SERPINB2: variants seen among roughly 807,000 people sequenced by gnomAD.
SERPINB2 encodes the protein plasminogen activator inhibitor 2.
In SERPINB2, 28 loss-of-function variants were observed where a neutral mutation model predicts 39.4. The observed-to-expected ratio is 0.71, with a 90% CI of 0.53 to 0.97. SERPINB2 has a LOEUF of 0.97. SERPINB2 is among the 50% of genes least tolerant of loss of function. The pLI, the probability that SERPINB2 is intolerant of heterozygous loss-of-function variation, is 0.00. For missense variants in SERPINB2, 557 were observed against 505.3 expected (o/e 1.10, Z -0.98); for synonymous variants, 209 against 175.1 (o/e 1.19, Z -1.53).
At chr18:63,895,696 C>T (rs568325030) in intron 3 of SERPINB2, among the ~76,000 whole-genome samples, 13 of 152,272 alleles carry the variant, frequency 8.5e-5, no homozygotes, top group Non-Finnish European at 1.8e-4. Context: ...CTAGAATACA[C>T]GTGTATGGAT....
rs2050003185 is a variant in SERPINB2 at position 63,903,014 on chromosome 18, A to G, written c.957A>G (p.Glu319=). ...IPQFKLEEHY[E]LRSILRSMGM... is the part of the protein sequence containing the mutation. Reference sequence around the variant, plus strand: ...AGTTCAAATTAGAAGAGCATTATGAACTCAGATCCATTCTGAGAAGCATGG... The same window carrying G: ...AGTTCAAATTAGAAGAGCATTATGAGCTCAGATCCATTCTGAGAAGCATGG... The change falls in exon 8 of 8, where the codon GAA becomes GAG. Residue 319 remains glutamate (E), a synonymous_variant. Coordinates refer to ENST00000299502, the MANE Select transcript of SERPINB2 (RefSeq NM_002575.3). The G allele has an allele frequency of 6.2e-7, 1 of 1,613,860 alleles. No homozygotes were observed. The highest frequency in any genetic ancestry group is 1.3e-5 in the African/African-American group (1 of 75,012).
rs1188976502 is a variant in SERPINB2 at position 63,891,570 on chromosome 18, C to A, written c.126C>A (p.Val42=). ...PWSISSTMAM[V]YMGSRGSTED... ...GCATCTCGTCCACCATGGCCATGGT[C>A]TACATGGGCTCCAGGGGCAGCACCG... The change falls in exon 2 of 8, where the codon GTC becomes GTA. Residue 42 remains valine, a synonymous_variant. Transcript: ENST00000299502. 1 of 1,614,010 alleles carries A rather than the reference C, an allele frequency of 6.2e-7. No individual in the cohort carries two copies. Among genetic ancestry groups the A allele is most frequent in the Non-Finnish European group, 8.5e-7 (1 of 1,179,988 alleles).
At chr18:63,895,404 A>C (rs762743511) in intron 3 of SERPINB2, 21 bp downstream of exon 3, 3 of 1,613,632 alleles carry the variant, frequency 1.9e-6, no homozygotes, top group Non-Finnish European at 1.7e-6. Flanking sequence ...TACTGGTCCA[A>C]ATTTCTTTTG....
At chr18:63,894,821 C>T (rs537363141) in intron 2 of SERPINB2, among the ~76,000 whole-genome samples, 13 of 152,282 alleles carry the variant, frequency 8.5e-5, no homozygotes, top group Non-Finnish European at 1.6e-4. Flanking sequence ...CCTTAGCTGA[C>T]TCTGGCTTGT....
chr18:63,900,387 A>G (rs1339672780), intron 5 of SERPINB2, among the ~76,000 whole-genome samples: 1 of 152,204 alleles, frequency 6.6e-6, no homozygotes, highest in Non-Finnish European at 1.5e-5. Context: ...TTAGCCTTCA[A>G]GGGTTCTTGG....
Position 63,897,190 on chromosome 18 carries a change from T to G in SERPINB2, c.388T>G (p.Phe130Val), listed in dbSNP as rs769649567. The part of the protein sequence containing the change: ...NYLLESVNKL[F>V]GEKSASFREE... ...TTTACTGGAAAGTGTCAATAAGCTG[T>G]TTGGTGAGAAGTCTGCGAGCTTCCG... Residue 130 changes from phenylalanine to valine, a missense_variant, in exon 4 of 8, where the codon TTT becomes GTT. Coordinates refer to ENST00000299502, the MANE Select transcript of SERPINB2 (RefSeq NM_002575.3). The G allele has an allele frequency of 1.2e-6, 2 of 1,612,618 alleles. No homozygotes were observed. Among genetic ancestry groups the G allele is most frequent in the Non-Finnish European group, 1.7e-6 (2 of 1,179,252 alleles).
chr18:63,897,699 T>C (rs2049968941), intron 4 of SERPINB2, 28 bp from the exon 5 acceptor site: 1 of 1,390,162 alleles, frequency 7.2e-7, no homozygotes, highest in South Asian at 1.2e-5. Flanking sequence ...GTATTTTATG[T>C]AGCCTTTGTC....
chr18:63,899,456 A>G (rs17072032), intron 5 of SERPINB2, among the ~76,000 whole-genome samples: 3,799 of 152,296 alleles, frequency 0.025, 151 homozygotes, highest in African/African-American at 0.086. Context: ...GCCTTAAGTA[A>G]ACAATTGCTG....
chr18:63,898,085 G>A (rs2049971942), intron 5 of SERPINB2, among the ~76,000 whole-genome samples: 1 of 152,178 alleles, frequency 6.6e-6, no homozygotes, highest in Admixed American at 6.6e-5. Flanking sequence ...GATATTGCTT[G>A]AGGATAGAAT....
At chr18:63,891,079 C>T (rs2049922810) in intron 1 of SERPINB2, among the ~76,000 whole-genome samples, 1 of 152,136 alleles carries the variant, frequency 6.6e-6, no homozygotes, top group Non-Finnish European at 1.5e-5. Context: ...CATTGTTATT[C>T]TATGGAATGC....
intron 5 of SERPINB2, 129 bp downstream of exon 5, chr18:63,897,973 G>C: frequency 1.5e-6 from 1 of 659,086 alleles, no homozygotes; most frequent in Non-Finnish European, 2.7e-6. Context: ...TTTGGTGGAT[G>C]TGAATTTATT....
At position 63,895,200 on chromosome 18, in the gene SERPINB2, T is replaced by C. The variant is rs1040712588; in HGVS notation, c.169-64T>C. ...CCATTTTAGAGCCACCTGATAGCCA[T>C]CTGTTTTAAAAGTTCAGTAAATCCG... On this transcript the variant is annotated intron_variant, in intron 2 of 7. Transcript: ENST00000299502. 5 of 1,592,382 alleles carry C rather than the reference T, an allele frequency of 3.1e-6. No individual in the cohort carries two copies. In the South Asian group the frequency reaches 5.7e-5, roughly 18 times the overall value.
intron 4 of SERPINB2, 63 bp downstream of exon 4, chr18:63,897,282 CAGT>C: frequency 6.4e-7 from 1 of 1,553,796 alleles, no homozygotes; most frequent in African/African-American, 1.4e-5. Flanking sequence ...ACTTTCAAAG[CAGT>C]TCTCTACAAT....
intron 5 of SERPINB2, among the ~76,000 whole-genome samples, chr18:63,898,858 A>G (rs1422873541): frequency 6.6e-6 from 1 of 152,182 alleles, no homozygotes; most frequent in Non-Finnish European, 1.5e-5. Flanking sequence ...CCTAAGGAGA[A>G]GAATAGAGTC....
intron 1 of SERPINB2, among the ~76,000 whole-genome samples, chr18:63,889,637 T>A (rs1233152381): frequency 6.6e-6 from 1 of 152,150 alleles, no homozygotes; most frequent in Non-Finnish European, 1.5e-5. Context: ...TAATTAATTT[T>A]AAAAATCTGT....
At position 63,902,290 on chromosome 18, in the gene SERPINB2, A is replaced by T. The variant is rs577007233; in HGVS notation, c.679-114A>T. ...TACAAATAATTTATTTTGTTGATTTAAAAAAATCACATTTATCCTACACTA... is the reference window on the plus strand; with the variant it reads ...TACAAATAATTTATTTTGTTGATTTTAAAAAATCACATTTATCCTACACTA... On this transcript the variant is annotated intron_variant, in intron 6 of 7. Transcript: ENST00000299502. The T allele has an allele frequency of 4.1e-5, 39 of 939,990 alleles. No individual in the cohort carries two copies. The South Asian group carries it at 5.2e-4, about 13-fold the overall frequency. The allele number at this position is 939,990 out of a possible 1,614,324, so 58.2% of individuals were successfully genotyped here. A position where few individuals can be genotyped will look rare whatever the true frequency, so the allele number is the denominator to read the frequency against.
chr18:63,896,381 T>G (rs2049959443), intron 3 of SERPINB2, among the ~76,000 whole-genome samples: 1 of 151,402 alleles, frequency 6.6e-6, no homozygotes, highest in African/African-American at 2.4e-5. Flanking sequence ...AAACCCATGT[T>G]TTCCACTGCA....
intron 1 of SERPINB2, among the ~76,000 whole-genome samples, chr18:63,888,228 C>A (rs754086980): frequency 6.6e-6 from 1 of 152,104 alleles, no homozygotes; most frequent in Non-Finnish European, 1.5e-5. Flanking sequence ...AAAGCAGGAA[C>A]TGCAAAAATT....
intron 2 of SERPINB2, chr18:63,892,528 T>C (rs1411705951): frequency 2.0e-5 from 3 of 152,212 alleles, no homozygotes; most frequent in Non-Finnish European, 4.4e-5. Flanking sequence ...CATACAAACA[T>C]TAACATTAAA....
Sources: gnomAD v4.1 joint callset for allele counts (sites outside exome capture counted in the v4.1 genomes callset) on GRCh38, gnomAD v4.1.1 for gene constraint, MANE v1.5 for transcripts, NCBI Gene and HGNC (gene_info 2026-07-23, HGNC 2026-07-21) for gene names.